SLC24A2: variants seen among roughly 807,000 people sequenced by gnomAD.
SLC24A2 encodes the protein solute carrier family 24 member 2.
A neutral mutation model predicts 62.0 loss-of-function variants in SLC24A2; 36 were observed. The observed-to-expected ratio is 0.58, with a 90% CI of 0.44 to 0.77. SLC24A2 has a LOEUF of 0.77. Ranked by LOEUF, SLC24A2 falls within the 30% of genes least tolerant of loss-of-function variation. The pLI is 0.00. For synonymous variants in SLC24A2, 358 were observed against 294.0 expected, an observed-to-expected ratio of 1.22 and a Z score of -2.23; for missense variants, 846 against 817.9, an observed-to-expected ratio of 1.03 and a Z score of -0.42.
chr9:19,654,570 T>G (rs1818890803), intron 2 of SLC24A2, among the ~76,000 whole-genome samples: 1 of 152,214 alleles, frequency 6.6e-6, no homozygotes, highest in Non-Finnish European at 1.5e-5. Context: ...GGTAAAGGAA[T>G]GGGGCATGGC....
chr9:19,983,747 T>C, the SLC24A2 span, among the ~76,000 whole-genome samples: 2 of 152,130 alleles, frequency 1.3e-5, no homozygotes, highest in Non-Finnish European at 2.9e-5. Context: ...CAATTGAATA[T>C]AAACACCTAG....
intron 4 of SLC24A2, among the ~76,000 whole-genome samples, chr9:19,618,373 C>T (rs540126605): frequency 4.7e-4 from 71 of 152,260 alleles, no homozygotes; most frequent in African/African-American, 1.5e-3. Context: ...TAAGAATTAC[C>T]TCTAGTAAAC....
chr9:19,636,315 T>TTTTCC (rs1564009647), intron 2 of SLC24A2, among the ~76,000 whole-genome samples: 1,166 of 40,316 alleles, frequency 0.029, 114 homozygotes, highest in Middle Eastern at 0.057. Context: ...TTTTCTTTTC[T>TTTTCC]TTTCTTTCTT....
At chr9:20,040,874 C>G in the SLC24A2 span, among the ~76,000 whole-genome samples, 1 of 152,224 alleles carries the variant, frequency 6.6e-6, no homozygotes, top group Admixed American at 6.5e-5. Flanking sequence ...AGCCGTTTGT[C>G]TACCTGTGGC....
At chr9:19,547,033 T>G (rs1335262569) in intron 8 of SLC24A2, among the ~76,000 whole-genome samples, 1 of 152,164 alleles carries the variant, frequency 6.6e-6, no homozygotes, top group Non-Finnish European at 1.5e-5. Flanking sequence ...TCTGTGGCGA[T>G]CTCGCTGGGA....
the SLC24A2 span, among the ~76,000 whole-genome samples, chr9:20,008,659 G>A: frequency 5.9e-5 from 9 of 152,018 alleles, no homozygotes; most frequent in East Asian, 3.9e-4. Flanking sequence ...TGACATCTTT[G>A]TAGTCCAGCC....
chr9:20,035,341 C>T, the SLC24A2 span, among the ~76,000 whole-genome samples: 1 of 152,156 alleles, frequency 6.6e-6, no homozygotes, highest in African/African-American at 2.4e-5. Context: ...TATTAGCTAT[C>T]ATTACCAGGA....
At chr9:19,699,216 T>A in intron 2 of SLC24A2, among the ~76,000 whole-genome samples, 1 of 152,252 alleles carries the variant, frequency 6.6e-6, no homozygotes, top group East Asian at 1.9e-4. Flanking sequence ...TGGAACTGCA[T>A]GGGGACAAGA....
the SLC24A2 span, among the ~76,000 whole-genome samples, chr9:20,132,331 G>C: frequency 6.6e-6 from 1 of 152,130 alleles, no homozygotes; most frequent in Non-Finnish European, 1.5e-5. Context: ...GAAAGAGTTA[G>C]ATGATAGAGA....
intron 2 of SLC24A2, among the ~76,000 whole-genome samples, chr9:19,705,001 A>G (rs1269998154): frequency 6.6e-6 from 1 of 152,140 alleles, no homozygotes; most frequent in Non-Finnish European, 1.5e-5. Context: ...CTGCTTTGTC[A>G]GAATGATTCT....
chr9:20,231,237 G>T, the SLC24A2 span, among the ~76,000 whole-genome samples: 6 of 152,142 alleles, frequency 3.9e-5, no homozygotes, highest in African/African-American at 1.4e-4. Context: ...GGTCCCATAT[G>T]AACTTTAAGG....
chr9:19,959,920 A>T, the SLC24A2 span, among the ~76,000 whole-genome samples: 1 of 152,250 alleles, frequency 6.6e-6, no homozygotes, highest in African/African-American at 2.4e-5. Context: ...GAAAAAGTTT[A>T]TACACCTAGT....
At chr9:20,305,633 C>A in the SLC24A2 span, among the ~76,000 whole-genome samples, 4 of 152,250 alleles carry the variant, frequency 2.6e-5, no homozygotes, top group Non-Finnish European at 4.4e-5. Flanking sequence ...AGAGACTATG[C>A]TAAGTATTTC....
At chr9:19,721,817 T>G (rs186222539) in intron 2 of SLC24A2, among the ~76,000 whole-genome samples, 2 of 152,306 alleles carry the variant, frequency 1.3e-5, no homozygotes, top group Admixed American at 1.3e-4. Context: ...TTATTTCCTT[T>G]GTGAGCCTTT....
the SLC24A2 span, among the ~76,000 whole-genome samples, chr9:20,116,246 A>C: frequency 6.6e-6 from 1 of 152,168 alleles, no homozygotes; most frequent in Non-Finnish European, 1.5e-5. Flanking sequence ...CTCTAAATGT[A>C]TCCAGACCTT....
At chr9:20,030,515 C>T in the SLC24A2 span, among the ~76,000 whole-genome samples, 51 of 152,278 alleles carry the variant, frequency 3.3e-4, no homozygotes, top group African/African-American at 1.1e-3. Flanking sequence ...TGCACCAATA[C>T]GGTGAGCCAG....
chr9:19,547,379 G>A (rs1834634155), intron 8 of SLC24A2, among the ~76,000 whole-genome samples: 1 of 152,146 alleles, frequency 6.6e-6, no homozygotes, highest in South Asian at 2.1e-4. Flanking sequence ...GGACAGCTCT[G>A]TTTTCTTGCT....
chr9:19,695,344 T>C (rs1820157033), intron 2 of SLC24A2, among the ~76,000 whole-genome samples: 1 of 152,110 alleles, frequency 6.6e-6, no homozygotes, highest in African/African-American at 2.4e-5. Flanking sequence ...CAAAGGCTCT[T>C]TTGGGCTTTG....
chr9:20,210,535 G>A, the SLC24A2 span, among the ~76,000 whole-genome samples: 3 of 150,012 alleles, frequency 2.0e-5, no homozygotes, highest in African/African-American at 7.3e-5. Context: ...GTGTAGTGGC[G>A]CGATCTCGGC....
Sources: gnomAD v4.1 joint callset for allele counts (sites outside exome capture counted in the v4.1 genomes callset) on GRCh38, gnomAD v4.1.1 for gene constraint, MANE v1.5 for transcripts, NCBI Gene and HGNC (gene_info 2026-07-23, HGNC 2026-07-21) for gene names.